The following DDX21 variants were observed in gnomAD, a reference collection of about 807,000 sequenced individuals.
The protein encoded by DDX21 is nucleolar RNA helicase 2.
In DDX21, 18 loss-of-function variants were observed where a neutral mutation model predicts 90.0. The ratio of observed to expected loss-of-function variants is 0.20; its 90% CI spans 0.14 to 0.30. DDX21 has a LOEUF of 0.30. DDX21 is among the 10% of genes least tolerant of loss of function. The pLI is 1.00. For synonymous variants in DDX21, 294 were observed against 318.0 expected (o/e 0.92, Z 0.80); for missense variants, 673 against 944.5 (o/e 0.71, Z 3.77).
chr10:68,970,457 A>T, intron 8 of DDX21, 107 bp downstream of exon 8: 8 of 1,027,052 alleles, frequency 7.8e-6, no homozygotes, highest in South Asian at 3.9e-5. Flanking sequence ...ATACCAGTTT[A>T]GTTTAGTTTA....
chr10:68,959,472 G>A (rs1397377269), intron 1 of DDX21, among the ~76,000 whole-genome samples: 1 of 152,124 alleles, frequency 6.6e-6, no homozygotes, highest in African/African-American at 2.4e-5. Context: ...CAGCCTGGGC[G>A]ACAGAGCGAG....
chr10:68,961,187 A>G (rs192526792), intron 2 of DDX21, among the ~76,000 whole-genome samples: 43 of 152,324 alleles, frequency 2.8e-4, no homozygotes, highest in African/African-American at 1.0e-3. Context: ...ATCCCGCCTA[A>G]GCCTCCCGAG....
intron 3 of DDX21, 58 bp from the exon 4 acceptor site, chr10:68,963,233 A>G (rs10998504): frequency 6.6e-7 from 1 of 1,515,406 alleles, no homozygotes; most frequent in African/African-American, 1.4e-5. Flanking sequence ...TCAGTATGTC[A>G]GTATGGCTAA....
At chr10:68,964,456 C>A (rs1210465214) in intron 4 of DDX21, among the ~76,000 whole-genome samples, 1 of 152,020 alleles carries the variant, frequency 6.6e-6, no homozygotes, top group Non-Finnish European at 1.5e-5. Context: ...GGACCTGTAG[C>A]AGTTCAAGCA....
In DDX21 at chr10:68,984,967, T is replaced by G. The variant is rs1039503273; in HGVS notation, c.*2155T>G. 6.6e-6 allele frequency: 1 copy of G among 152,318 alleles called. No homozygotes were observed. 9.4% of individuals were successfully genotyped at this position (152,318 alleles called of 1,614,324 possible). On this transcript the variant is annotated 3_prime_UTR_variant, in exon 15 of 15. Coordinates refer to ENST00000354185, the MANE Select transcript of DDX21 (RefSeq NM_004728.4). ...TTTTCTAATTTAAGTTGGAGCTATC[T>G]GTGCAGCAGTTTCTCTACAGTTGTG...
At chr10:68,974,589 T>G in intron 10 of DDX21, 81 bp from the exon 11 acceptor site, 1 of 1,145,122 alleles carries the variant, frequency 8.7e-7, no homozygotes. Flanking sequence ...TTGGCCTATA[T>G]TAAAAAATTA....
At chr10:68,964,157 G>A (rs1047620004) in intron 4 of DDX21, 5 of 409,906 alleles carry the variant, frequency 1.2e-5, no homozygotes, top group Non-Finnish European at 1.9e-5. Context: ...AGTCAGAGGT[G>A]AAAACGCCAA....
chr10:68,970,106 T>C, intron 7 of DDX21, 95 bp from the exon 8 acceptor site: 1 of 1,211,802 alleles, frequency 8.3e-7, no homozygotes, highest in Non-Finnish European at 1.2e-6. Flanking sequence ...AGCAAGACAT[T>C]AGAACATTAG....
intron 1 of DDX21, among the ~76,000 whole-genome samples, chr10:68,956,945 G>A (rs1160521391): frequency 1.3e-5 from 2 of 152,016 alleles, no homozygotes; most frequent in Non-Finnish European, 2.9e-5. Flanking sequence ...GGGAGGCTGA[G>A]GCAGGAGAAT....
chr10:68,960,587 C>T (rs931413970), intron 2 of DDX21, among the ~76,000 whole-genome samples: 6 of 152,034 alleles, frequency 3.9e-5, no homozygotes, highest in African/African-American at 1.4e-4. Flanking sequence ...TTAGCCTCCT[C>T]AGTAGGTGGG....
chr10:68,969,738 G>A (rs1018392608), intron 7 of DDX21, among the ~76,000 whole-genome samples: 5 of 152,160 alleles, frequency 3.3e-5, no homozygotes, highest in Non-Finnish European at 5.9e-5. Context: ...AAGCTTAAAA[G>A]TGTTGAAGTT....
chr10:68,965,350 T>A (rs773664991), intron 4 of DDX21, 27 bp from the exon 5 acceptor site: 1 of 1,570,326 alleles, frequency 6.4e-7, no homozygotes, highest in South Asian at 1.1e-5. Context: ...ACACAGTAAT[T>A]TGAATTCAAT....
At chr10:68,974,838 T>C in intron 11 of DDX21, 95 bp downstream of exon 11, 3 of 978,726 alleles carry the variant, frequency 3.1e-6, no homozygotes, top group Non-Finnish European at 4.5e-6. Flanking sequence ...AAAAATTTTT[T>C]TTTTAAAATT....
intron 7 of DDX21, among the ~76,000 whole-genome samples, 196 bp from the exon 8 acceptor site, chr10:68,970,005 G>A (rs577861031): frequency 4.6e-5 from 7 of 152,314 alleles, no homozygotes; most frequent in African/African-American, 1.7e-4. Flanking sequence ...GGCAGATCAT[G>A]TTGCTTTCTG....
At chr10:68,979,036 T>G in intron 13 of DDX21, 60 bp downstream of exon 13, 1 of 1,602,974 alleles carries the variant, frequency 6.2e-7, no homozygotes, top group Non-Finnish European at 8.5e-7. Context: ...GAAAACAGTG[T>G]GGTGTGGGTT....
At chr10:68,960,493 G>T (rs1366799569) in intron 2 of DDX21, among the ~76,000 whole-genome samples, 1 of 151,792 alleles carries the variant, frequency 6.6e-6, no homozygotes, top group Non-Finnish European at 1.5e-5. Flanking sequence ...ACAGAGTCTC[G>T]CTCTGTCACC....
intron 11 of DDX21, among the ~76,000 whole-genome samples, chr10:68,974,995 C>A (rs1398401585): frequency 2.7e-5 from 4 of 150,680 alleles, no homozygotes; most frequent in Non-Finnish European, 5.9e-5. Flanking sequence ...ACCTGTTTAT[C>A]AAAAAAAAAC....
In DDX21 at chr10:68,967,221, G is replaced by C. The variant is rs1842951443; in HGVS notation, c.1090+18G>C. 2.5e-6 allele frequency: 4 copies of C among 1,600,108 alleles called. No individual in the cohort carries two copies. Among genetic ancestry groups the C allele is most frequent in the Non-Finnish European group, 3.4e-6 (4 of 1,171,470 alleles). On this transcript the variant is annotated intron_variant, in intron 6 of 14. Coordinates refer to ENST00000354185, the MANE Select transcript of DDX21 (RefSeq NM_004728.4). ...CAAGAAAGGTAATCCACAAATTCAAGAAGCTGATAAAAAAGACCAAAGGAA... is the reference window on the plus strand; with the variant it reads ...CAAGAAAGGTAATCCACAAATTCAACAAGCTGATAAAAAAGACCAAAGGAA...
chr10:68,962,813 A>G (rs1244238892), intron 3 of DDX21, among the ~76,000 whole-genome samples: 1 of 152,236 alleles, frequency 6.6e-6, no homozygotes, highest in Non-Finnish European at 1.5e-5. Flanking sequence ...CTGGAGTCAC[A>G]GTTACTCAAG....
Sources: allele counts gnomAD v4.1 joint callset (sites outside exome capture counted in the v4.1 genomes callset), GRCh38; gene constraint gnomAD v4.1.1; transcripts MANE v1.5; gene names NCBI Gene and HGNC (gene_info 2026-07-23, HGNC 2026-07-21).